CHMP6: variants seen among roughly 807,000 people sequenced by gnomAD.
CHMP6 encodes charged multivesicular body protein 6.
CHMP6 carries 10 observed loss-of-function variants against 32.8 expected under a neutral mutation model. The observed-to-expected ratio is 0.30, with a 90% CI of 0.19 to 0.52. CHMP6 has a LOEUF of 0.52. CHMP6 is among the 20% of genes least tolerant of loss of function. The pLI is 0.97. For synonymous variants in CHMP6, 123 were observed against 105.8 expected, an observed-to-expected ratio of 1.16 and a Z score of -1.00; for missense variants, 269 against 263.8, an observed-to-expected ratio of 1.02 and a Z score of -0.14.
At chr17:80,994,535 C>T (rs2069619675) in intron 1 of CHMP6, 46 bp from the exon 2 acceptor site, 1 of 1,501,282 alleles carries the variant, frequency 6.7e-7, no homozygotes, top group South Asian at 1.2e-5. Context: ...GTGGCCAGGG[C>T]TCCCAGTGTG....
intron 4 of CHMP6, among the ~76,000 whole-genome samples, chr17:80,996,700 G>A (rs1012411617): frequency 3.3e-5 from 5 of 152,210 alleles, no homozygotes; most frequent in African/African-American, 1.2e-4. Flanking sequence ...CAGTGCAGTC[G>A]TGGCCTCTGA....
chr17:80,996,120 G>A (rs2069635512), intron 4 of CHMP6, among the ~76,000 whole-genome samples: 2 of 152,068 alleles, frequency 1.3e-5, no homozygotes, highest in Admixed American at 6.5e-5. Context: ...AGGAGTTCGA[G>A]ACCAGCCTGG....
intron 4 of CHMP6, 130 bp from the exon 5 acceptor site, chr17:80,996,877 C>T (rs1057154428): frequency 1.2e-5 from 12 of 962,704 alleles, no homozygotes; most frequent in Non-Finnish European, 1.8e-5. Flanking sequence ...CACAGCCAGA[C>T]CTTGTCTTTA....
At chr17:80,995,587 G>A (rs572209626) in intron 3 of CHMP6, 85 bp from the exon 4 acceptor site, 58 of 1,171,274 alleles carry the variant, frequency 5.0e-5, no homozygotes, top group Admixed American at 1.4e-4. Flanking sequence ...GCCCAGCAAG[G>A]GTGTCATCCT....
intron 7 of CHMP6, among the ~76,000 whole-genome samples, 165 bp from the exon 8 acceptor site, chr17:80,998,933 C>T (rs1176320649): frequency 6.6e-6 from 1 of 152,246 alleles, no homozygotes; most frequent in African/African-American, 2.4e-5. Context: ...CTGTCAGCCC[C>T]ATTGGCTTCC....
intron 1 of CHMP6, 89 bp downstream of exon 1, chr17:80,992,070 C>A: frequency 2.1e-6 from 2 of 936,940 alleles, no homozygotes; most frequent in Non-Finnish European, 2.8e-6. Flanking sequence ...CCCGCGCCCT[C>A]GGCCCCCCGC....
rs2069668083 is a variant in CHMP6, at chr17:80,999,528, C to G, written c.*375C>G. The G allele has an allele frequency of 4.6e-6, 1 of 217,480 alleles. No homozygotes were observed. Among genetic ancestry groups the G allele is most frequent in the African/African-American group, 2.3e-5 (1 of 43,514 alleles). The allele number at this position is 217,480 out of a possible 1,614,324, so 13.5% of individuals were successfully genotyped here. A position where few individuals can be genotyped will look rare whatever the true frequency, so the allele number is the denominator to read the frequency against. On this transcript the variant is annotated 3_prime_UTR_variant, in exon 8 of 8. Transcript: ENST00000325167. ...AAGACACCTCCAGACCTTGGGGTCC[C>G]CGCGCTTCCTCTTGCTCCTCGCTGC...
At position 80,995,115 on chromosome 17, in the gene CHMP6, C is replaced by A; in HGVS notation, c.261+9C>A. Reference sequence around the variant, plus strand: ...GCAGCCTGGAGGCCATGGTAGGCGGCCGGGTGCTTCGCCCTGGAGTGCAGG... The same window carrying A: ...GCAGCCTGGAGGCCATGGTAGGCGGACGGGTGCTTCGCCCTGGAGTGCAGG... On this transcript the variant is annotated intron_variant, in intron 3 of 7. Transcript: ENST00000325167. The A allele has an allele frequency of 6.3e-7, 1 of 1,592,436 alleles. No individual in the cohort carries two copies. The highest frequency in any genetic ancestry group is 8.5e-7 in the Non-Finnish European group (1 of 1,171,700).
In CHMP6 at chr17:80,991,946, C is replaced by T; in HGVS notation, c.28C>T (p.Gln10Ter). The T allele has an allele frequency of 1.4e-6, 2 of 1,468,160 alleles. No individual in the cohort carries two copies. Among genetic ancestry groups the T allele is most frequent in the Non-Finnish European group, 1.8e-6 (2 of 1,103,612 alleles). 90.9% of individuals were successfully genotyped at this position (1,468,160 alleles called of 1,614,324 possible). Residue 10 changes from glutamine (Q) to a stop codon, truncating the protein, a stop_gained, in exon 1 of 8, where the codon CAG (glutamine) becomes TAG (stop). Transcript: ENST00000325167. LOFTEE classifies it high-confidence loss of function. MGNLFGRKK[Q>*]SRVTEQDKAI... ...GGGTAACCTGTTCGGCCGCAAGAAG[C>T]AGAGCCGCGTCACGGAGCAGGACAA...
chr17:80,995,954 C>G lies in CHMP6; in HGVS notation c.348+196C>G, dbSNP rs1180190306. On this transcript the variant is annotated intron_variant, in intron 4 of 7. Transcript: ENST00000325167. ...CAGCACAGGCTGGGAACTGTGGGAA[C>G]TGGGTCCCCAGGCGCCGAAGTGACA... 2.6e-5 allele frequency among the ~76,000 whole-genome samples: 4 copies of G among 152,040 alleles called. No homozygotes were observed. Among genetic ancestry groups the G allele is most frequent in the Non-Finnish European group, 5.9e-5 (4 of 68,008 alleles).
At chr17:80,998,261 G>C in intron 6 of CHMP6, 105 bp from the exon 7 acceptor site, 1 of 1,339,758 alleles carries the variant, frequency 7.5e-7, no homozygotes, top group Non-Finnish European at 1.1e-6. Context: ...CTTTAACTCC[G>C]GCTGAGAGCG....
In CHMP6 at chr17:80,999,234, A is replaced by C. The variant is rs2069665312; in HGVS notation, c.*81A>C. ...GAGTTTGGGTCACGGCCAGCCCCTG[A>C]CCGGGTTCCCTGGAGCCCAGTGCGC... is the stretch of plus-strand genomic sequence containing the variant. On this transcript the variant is annotated 3_prime_UTR_variant, in exon 8 of 8. Coordinates refer to ENST00000325167, the MANE Select transcript of CHMP6 (RefSeq NM_024591.5). 1 of 1,551,848 alleles carries C rather than the reference A, an allele frequency of 6.4e-7. No homozygotes were observed. The highest frequency in any genetic ancestry group is 1.4e-5 in the African/African-American group (1 of 73,578).
intron 1 of CHMP6, 79 bp from the exon 2 acceptor site, chr17:80,994,502 C>G: frequency 7.5e-7 from 1 of 1,326,870 alleles, no homozygotes; most frequent in Non-Finnish European, 1.0e-6. Flanking sequence ...GCCGCCCGGC[C>G]TCCATGCCTG....
intron 1 of CHMP6, among the ~76,000 whole-genome samples, chr17:80,992,795 G>A (rs1178544117): frequency 6.6e-6 from 1 of 152,242 alleles, no homozygotes; most frequent in Non-Finnish European, 1.5e-5. Flanking sequence ...CGAGATAAAC[G>A]TGTCACGAAA....
intron 6 of CHMP6, 72 bp downstream of exon 6, chr17:80,997,413 C>A (rs888605440): frequency 1.1e-4 from 72 of 640,582 alleles, no homozygotes; most frequent in Non-Finnish European, 1.4e-4. Context: ...CCCCAGGAGG[C>A]CCTGCCCATG....
intron 1 of CHMP6, among the ~76,000 whole-genome samples, chr17:80,994,150 G>A (rs2069616611): frequency 1.3e-5 from 2 of 152,270 alleles, no homozygotes; most frequent in African/African-American, 2.4e-5. Flanking sequence ...TCCTGACCTC[G>A]TGCTCCGCCC....
At position 80,999,287 on chromosome 17, in the gene CHMP6, C is replaced by A; in HGVS notation, c.*134C>A. 1.0e-6 allele frequency: 1 copy of A among 972,612 alleles called. No individual in the cohort carries two copies. The highest frequency in any genetic ancestry group is 1.6e-6 in the Non-Finnish European group (1 of 637,464). The allele number at this position is 972,612 out of a possible 1,614,324, so 60.2% of individuals were successfully genotyped here. A position where few individuals can be genotyped will look rare whatever the true frequency, so the allele number is the denominator to read the frequency against. The stretch of plus-strand genomic sequence containing the variant: ...GGTGCTGAGCAGAGCTGCAGCCACG[C>A]AGGCGCATTGCAGGAGGACTCCAGA... On this transcript the variant is annotated 3_prime_UTR_variant, in exon 8 of 8. Transcript: ENST00000325167.
At position 80,997,002 on chromosome 17, in the gene CHMP6, C is replaced by T. The variant is rs1356524319; in HGVS notation, c.349-5C>T. ...GGGGTCAACACCCATCACCCTCGTCCACAGGTGATGTCCATTGAAGAGGTG... is the reference window on the plus strand; with the variant it reads ...GGGGTCAACACCCATCACCCTCGTCTACAGGTGATGTCCATTGAAGAGGTG... On this transcript the variant is annotated splice_region_variant and splice_polypyrimidine_tract_variant and intron_variant, in intron 4 of 7. Transcript: ENST00000325167. The T allele has an allele frequency of 6.8e-6, 11 of 1,612,984 alleles. No individual in the cohort carries two copies. The highest frequency in any genetic ancestry group is 7.6e-6 in the Non-Finnish European group (9 of 1,179,418).
intron 1 of CHMP6, 127 bp downstream of exon 1, chr17:80,992,108 G>GA: frequency 7.0e-6 from 4 of 567,942 alleles, no homozygotes; most frequent in Non-Finnish European, 1.0e-5. Flanking sequence ...GAGGCGCAGC[G>GA]CGCAGCCGGG....
Sources: allele counts gnomAD v4.1 joint callset (sites outside exome capture counted in the v4.1 genomes callset), GRCh38; gene constraint gnomAD v4.1.1; transcripts MANE v1.5; gene names NCBI Gene and HGNC (gene_info 2026-07-23, HGNC 2026-07-21).